Variants in CCDC149 observed in about 807,000 individuals in gnomAD.
CCDC149 encodes coiled-coil domain-containing protein 149.
CCDC149 carries 45 observed loss-of-function variants against 59.9 expected under a neutral mutation model. The ratio of observed to expected loss-of-function variants is 0.75; its 90% CI spans 0.59 to 0.96. The LOEUF is 0.96. Among genes scored for constraint, CCDC149 ranks in the 40% least tolerant of loss-of-function variants. CCDC149 has a pLI of 0.00. For missense variants in CCDC149, 584 were observed against 664.7 expected, an observed-to-expected ratio of 0.88 and a Z score of 1.33; for synonymous variants, 245 against 260.6, an observed-to-expected ratio of 0.94 and a Z score of 0.58.
At chr4:24,965,455 A>AT (rs1723766353) in intron 1 of CCDC149, among the ~76,000 whole-genome samples, 1 of 152,112 alleles carries the variant, frequency 6.6e-6, no homozygotes, top group African/African-American at 2.4e-5. Flanking sequence ...TTCTCTGACC[A>AT]CAGTGGAATT....
chr4:24,953,926 G>T (rs190013450), intron 1 of CCDC149, among the ~76,000 whole-genome samples: 47 of 146,948 alleles, frequency 3.2e-4, no homozygotes, highest in Admixed American at 4.7e-4. Flanking sequence ...TTCAAAGAGA[G>T]ATTTGAGCAG....
At chr4:24,937,759 AT>A (rs1722826698) in intron 1 of CCDC149, among the ~76,000 whole-genome samples, 1 of 152,206 alleles carries the variant, frequency 6.6e-6, no homozygotes, top group Non-Finnish European at 1.5e-5. Context: ...AGAGTTAGCC[AT>A]GTGACTCCTC....
At chr4:24,916,255 G>A (rs543331414), upstream of CCDC149, among the ~76,000 whole-genome samples, 7 of 152,300 alleles carry the variant, frequency 4.6e-5, no homozygotes, top group South Asian at 1.2e-3. Context: ...CACCTATAGT[G>A]TTAGAAGAAA....
intron 9 of CCDC149, among the ~76,000 whole-genome samples, chr4:24,825,721 C>T (rs999979327): frequency 1.3e-5 from 2 of 150,412 alleles, no homozygotes; most frequent in East Asian, 2.0e-4. Context: ...TGTAGTGAGC[C>T]GAGATAGCGC....
At chr4:24,879,065 C>T (rs922561128) in intron 1 of CCDC149, among the ~76,000 whole-genome samples, 4 of 152,184 alleles carry the variant, frequency 2.6e-5, no homozygotes, top group Admixed American at 2.0e-4. Flanking sequence ...AATAATTTTA[C>T]GCCATGTTAT....
At chr4:24,804,651 A>G (rs981883503), downstream of CCDC149, among the ~76,000 whole-genome samples, 1 of 152,198 alleles carries the variant, frequency 6.6e-6, no homozygotes, top group Non-Finnish European at 1.5e-5. Context: ...TCAGTGAGTA[A>G]GCAGCTGGTC....
chr4:24,819,851 G>A lies in CCDC149; in HGVS notation c.1192+8C>T, dbSNP rs754142698. 1.7e-5 allele frequency: 26 copies of A among 1,545,138 alleles called. No individual in the cohort carries two copies. The highest frequency in any genetic ancestry group is 4.1e-5 in the African/African-American group (3 of 73,056). On this transcript the variant is annotated splice_region_variant and intron_variant, in intron 12 of 12. Transcript: ENST00000635206. ...CAGGTAAAGATGGAGAAATCGAGGC[G>A]TGCTTACCATCCTTGGGATCTGCTT...
intron 1 of CCDC149, among the ~76,000 whole-genome samples, chr4:24,882,576 G>A (rs1185032924): frequency 6.6e-6 from 1 of 152,198 alleles, no homozygotes; most frequent in African/African-American, 2.4e-5. Flanking sequence ...AACTGAAAAT[G>A]TGTTCCTATC....
intron 9 of CCDC149, among the ~76,000 whole-genome samples, chr4:24,823,535 G>A (rs1404811358): frequency 6.6e-6 from 1 of 152,162 alleles, no homozygotes; most frequent in Non-Finnish European, 1.5e-5. Context: ...AAATTATGTG[G>A]AAATCACCTT....
At chr4:24,896,814 G>A (rs760373869) in intron 1 of CCDC149, among the ~76,000 whole-genome samples, 4 of 151,924 alleles carry the variant, frequency 2.6e-5, no homozygotes, top group Admixed American at 6.6e-5. Context: ...TGGATACAAA[G>A]GGACTTTGGG....
chr4:24,911,997 G>C (rs1020376742), intron 1 of CCDC149, among the ~76,000 whole-genome samples: 2 of 152,194 alleles, frequency 1.3e-5, no homozygotes, highest in African/African-American at 2.4e-5. Context: ...CCCCACAAAT[G>C]GTGGCAAACC....
intron 1 of CCDC149, among the ~76,000 whole-genome samples, chr4:24,921,769 G>GT (rs917406151): frequency 6.6e-5 from 10 of 152,126 alleles, no homozygotes; most frequent in African/African-American, 1.9e-4. Context: ...AGTTTAAAGA[G>GT]TTTTTTTAAA....
At chr4:24,890,062 A>G (rs1720439948) in intron 1 of CCDC149, among the ~76,000 whole-genome samples, 1 of 152,208 alleles carries the variant, frequency 6.6e-6, no homozygotes. Flanking sequence ...CAGGAGATAC[A>G]GACAGGAAAG....
intron 1 of CCDC149, among the ~76,000 whole-genome samples, chr4:24,944,644 T>G (rs1723053476): frequency 6.6e-6 from 1 of 151,600 alleles, no homozygotes; most frequent in African/African-American, 2.4e-5. Flanking sequence ...ACCTAATGCA[T>G]GCAGAGCTAA....
chr4:24,835,441 T>A (rs1052936678), intron 7 of CCDC149, among the ~76,000 whole-genome samples: 1 of 152,206 alleles, frequency 6.6e-6, no homozygotes, highest in Non-Finnish European at 1.5e-5. Flanking sequence ...AAGAGAGCCA[T>A]GATCAATTAG....
At chr4:24,925,217 A>C (rs1015042380) in intron 1 of CCDC149, among the ~76,000 whole-genome samples, 1 of 152,218 alleles carries the variant, frequency 6.6e-6, no homozygotes, top group African/African-American at 2.4e-5. Flanking sequence ...AATGAAAGGC[A>C]TTGGTGGTCA....
chr4:24,889,738 C>A (rs962267774), intron 1 of CCDC149, among the ~76,000 whole-genome samples: 10 of 152,114 alleles, frequency 6.6e-5, no homozygotes, highest in African/African-American at 1.2e-4. Context: ...GGCTGTGTAG[C>A]AGTAAGAAGT....
At chr4:24,956,554 T>C (rs1723471825) in intron 1 of CCDC149, among the ~76,000 whole-genome samples, 1 of 152,152 alleles carries the variant, frequency 6.6e-6, no homozygotes, top group East Asian at 1.9e-4. Context: ...CCTCCATGCC[T>C]ATTATATCGA....
At chr4:24,878,002 T>C (rs1023821860) in intron 1 of CCDC149, among the ~76,000 whole-genome samples, 1 of 152,188 alleles carries the variant, frequency 6.6e-6, no homozygotes, top group African/African-American at 2.4e-5. Context: ...ATAGTTTCAT[T>C]ATACACTCTG....
Sources: gnomAD v4.1 joint callset for allele counts (sites outside exome capture counted in the v4.1 genomes callset) on GRCh38, gnomAD v4.1.1 for gene constraint, MANE v1.5 for transcripts, NCBI Gene and HGNC (gene_info 2026-07-23, HGNC 2026-07-21) for gene names.